BBX: variants seen among roughly 807,000 people sequenced by gnomAD.
The protein encoded by BBX is BBX high mobility group box domain containing.
BBX carries 30 observed loss-of-function variants against 100.2 expected under a neutral mutation model. The ratio of observed to expected loss-of-function variants is 0.30; its 90% CI spans 0.22 to 0.41. BBX has a LOEUF of 0.41. BBX is among the 10% of genes least tolerant of loss of function. BBX has a pLI of 1.00. For missense variants in BBX, 1,023 were observed against 1,129.8 expected (o/e 0.91, Z 1.35); for synonymous variants, 376 against 388.1 (o/e 0.97, Z 0.37).
intron 2 of BBX, among the ~76,000 whole-genome samples, chr3:107,624,339 T>TTG (rs897284634): frequency 1.3e-5 from 2 of 152,230 alleles, no homozygotes; most frequent in African/African-American, 4.8e-5. Flanking sequence ...CTTGTTTTTT[T>TTG]TGTGTGTGTG....
At chr3:107,693,236 C>T (rs148036786) in intron 3 of BBX, among the ~76,000 whole-genome samples, 2 of 151,504 alleles carry the variant, frequency 1.3e-5, no homozygotes, top group African/African-American at 4.9e-5. Flanking sequence ...GCTTTTGTTG[C>T]CATTGCTGTT....
chr3:107,804,508 A>G (rs1421599270), intron 17 of BBX, among the ~76,000 whole-genome samples: 4 of 152,242 alleles, frequency 2.6e-5, no homozygotes, highest in African/African-American at 7.2e-5. Flanking sequence ...GAAGCTCTGT[A>G]GAAATTACCA....
chr3:107,602,413 A>G (rs981755214), intron 2 of BBX, among the ~76,000 whole-genome samples: 3 of 152,238 alleles, frequency 2.0e-5, no homozygotes, highest in Admixed American at 1.3e-4. Context: ...TCTAGATGCC[A>G]TTAAGAATAT....
intron 2 of BBX, among the ~76,000 whole-genome samples, chr3:107,628,991 C>A (rs1025323364): frequency 6.6e-6 from 1 of 151,990 alleles, no homozygotes; most frequent in African/African-American, 2.4e-5. Flanking sequence ...GTTTTGATTT[C>A]TTTGTAATTG....
intron 2 of BBX, among the ~76,000 whole-genome samples, chr3:107,562,459 T>A (rs544263363): frequency 6.6e-6 from 1 of 152,266 alleles, no homozygotes; most frequent in East Asian, 1.9e-4. Context: ...TATTGGTAAT[T>A]GTCTATATAA....
rs532073155 is a variant in BBX at position 107,716,747 on chromosome 3, A to G, written c.303A>G (p.Glu101=). 4.3e-6 allele frequency: 7 copies of G among 1,613,824 alleles called. No individual in the cohort carries two copies. In the South Asian group the frequency reaches 6.6e-5, roughly 15 times the overall value. The change falls in exon 5 of 18, where the codon GAA becomes GAG. Residue 101 remains glutamate, a synonymous_variant. Transcript: ENST00000325805. ...CKRHRSLVRQ[E]HPRLDNRGAT... Reference sequence around the variant, plus strand: ...GCCATCGCTCTCTTGTACGTCAGGAACACCCCAGGCTTGATAACCGAGGTG... The same window carrying G: ...GCCATCGCTCTCTTGTACGTCAGGAGCACCCCAGGCTTGATAACCGAGGTG...
At chr3:107,713,061 C>G (rs1253459758) in intron 4 of BBX, among the ~76,000 whole-genome samples, 1 of 152,184 alleles carries the variant, frequency 6.6e-6, no homozygotes, top group Non-Finnish European at 1.5e-5. Flanking sequence ...ACTGATCTTT[C>G]TACTCTCCAC....
intron 3 of BBX, among the ~76,000 whole-genome samples, chr3:107,666,462 A>G (rs554079161): frequency 2.6e-4 from 40 of 152,338 alleles, no homozygotes; most frequent in Admixed American, 7.8e-4. Context: ...AAAAACAAGG[A>G]AAAGGGGGGA....
At chr3:107,789,621 A>G (rs891571543) in intron 13 of BBX, among the ~76,000 whole-genome samples, 166 bp from the exon 14 acceptor site, 1 of 152,228 alleles carries the variant, frequency 6.6e-6, no homozygotes, top group Admixed American at 6.5e-5. Flanking sequence ...AAGCCTAAAA[A>G]GGGGGCTAAG....
At chr3:107,725,503 G>A (rs1277257723) in intron 5 of BBX, among the ~76,000 whole-genome samples, 5 of 152,110 alleles carry the variant, frequency 3.3e-5, no homozygotes, top group Non-Finnish European at 7.4e-5. Flanking sequence ...CAAAGGGAAT[G>A]CTTCCAGTTT....
intron 5 of BBX, among the ~76,000 whole-genome samples, chr3:107,719,753 T>C (rs2062389154): frequency 6.6e-6 from 1 of 152,108 alleles, no homozygotes; most frequent in Admixed American, 6.6e-5. Context: ...TTTTTGAATG[T>C]GTGACTGCCC....
intron 2 of BBX, among the ~76,000 whole-genome samples, chr3:107,625,308 C>T (rs2056084936): frequency 6.6e-6 from 1 of 152,066 alleles, no homozygotes; most frequent in Non-Finnish European, 1.5e-5. Context: ...GACAGAGTCT[C>T]ACTCTGTCTC....
At chr3:107,716,571 A>T (rs761233387) in intron 4 of BBX, 36 bp from the exon 5 acceptor site, 8 of 1,597,566 alleles carry the variant, frequency 5.0e-6, no homozygotes, top group Non-Finnish European at 6.8e-6. Flanking sequence ...TATCCAAAAT[A>T]TGTTAAAGAT....
chr3:107,788,180 G>T (rs998067628), intron 13 of BBX, among the ~76,000 whole-genome samples: 2 of 152,112 alleles, frequency 1.3e-5, no homozygotes, highest in African/African-American at 4.8e-5. Context: ...AGATGAGTGA[G>T]AATAGAGACA....
intron 13 of BBX, among the ~76,000 whole-genome samples, chr3:107,787,549 G>T (rs2068565827): frequency 6.6e-6 from 1 of 152,162 alleles, no homozygotes; most frequent in Non-Finnish European, 1.5e-5. Flanking sequence ...TTGAGGTGAT[G>T]AAATGTTCAA....
chr3:107,666,789 CT>C (rs2058771512), intron 3 of BBX, among the ~76,000 whole-genome samples: 1 of 152,184 alleles, frequency 6.6e-6, no homozygotes. Context: ...CCGGGATGGT[CT>C]CAATCTCTTG....
chr3:107,584,031 ATT>A (rs1457571629), intron 2 of BBX, among the ~76,000 whole-genome samples: 1 of 65,968 alleles, frequency 1.5e-5, no homozygotes, highest in Non-Finnish European at 2.7e-5. Flanking sequence ...TATTATATAT[ATT>A]AATTATATAT....
chr3:107,585,664 A>G (rs2052777445), intron 2 of BBX, among the ~76,000 whole-genome samples: 1 of 152,086 alleles, frequency 6.6e-6, no homozygotes, highest in Non-Finnish European at 1.5e-5. Flanking sequence ...AAAATGTTTT[A>G]TCAAAATTTA....
chr3:107,698,942 G>A (rs945452533), intron 3 of BBX, among the ~76,000 whole-genome samples: 11 of 151,644 alleles, frequency 7.3e-5, no homozygotes, highest in African/African-American at 2.0e-4. Context: ...TGGCAAGGAC[G>A]GATTAGAAAA....
Sources: gnomAD v4.1 joint callset for allele counts (sites outside exome capture counted in the v4.1 genomes callset) on GRCh38, gnomAD v4.1.1 for gene constraint, MANE v1.5 for transcripts, NCBI Gene and HGNC (gene_info 2026-07-23, HGNC 2026-07-21) for gene names.